The following USP24 variants were observed in gnomAD, a reference collection of about 807,000 sequenced individuals.
The protein encoded by USP24 is ubiquitin specific peptidase 24.
A neutral mutation model predicts 361.6 loss-of-function variants in USP24; 97 were observed. The ratio of observed to expected loss-of-function variants is 0.27; its 90% confidence interval spans 0.23 to 0.32. The LOEUF (loss-of-function observed/expected upper bound fraction) is 0.32. Ranked by LOEUF, USP24 falls within the 10% of genes least tolerant of loss-of-function variation. USP24 has a pLI of 1.00. For synonymous variants in USP24, 1,098 were observed against 1,124.6 expected (o/e 0.98, Z 0.47); for missense variants, 2,353 against 3,165.6 (o/e 0.74, Z 6.16).
chr1:55,175,128 T>G (rs1013146456), intron 3 of USP24, among the ~76,000 whole-genome samples: 3 of 151,710 alleles, frequency 2.0e-5, no homozygotes. Flanking sequence ...TATATATATA[T>G]TTTTTAAGGC....
intron 8 of USP24, among the ~76,000 whole-genome samples, chr1:55,160,507 C>T (rs1004622536): frequency 6.6e-6 from 1 of 152,100 alleles, no homozygotes; most frequent in East Asian, 1.9e-4. Flanking sequence ...TTGAGGCATA[C>T]AAGTTAAATA....
rs762524221 is a variant in USP24, at chr1:55,125,425, G to A, written c.3855C>T (p.Ser1285=). ...NVSRQTSRQM[S]LCGTPEKSSY... is the part of the protein sequence containing the mutation. ...ATGACTTTTCTGGGGTACCACATAA[G>A]GACATCTGTCTGCTTGTCTGCCGGC... Residue 1285 remains serine, a synonymous_variant, in exon 34 of 68, where the codon TCC becomes TCT. Coordinates refer to ENST00000294383, the MANE Select transcript of USP24 (RefSeq NM_015306.3). The A allele has an allele frequency of 9.3e-6, 15 of 1,613,970 alleles. No homozygotes were observed. Among genetic ancestry groups the A allele is most frequent in the Middle Eastern group, 1.6e-4 (1 of 6,062 alleles).
intron 1 of USP24, among the ~76,000 whole-genome samples, chr1:55,190,094 G>A (rs1231046581): frequency 6.6e-6 from 1 of 150,482 alleles, no homozygotes; most frequent in Non-Finnish European, 1.5e-5. Context: ...GGACCCAGGA[G>A]GCGGAGGTTG....
At chr1:55,148,381 AAAC>A (rs1295001990) in intron 17 of USP24, 79 bp downstream of exon 17, 23 of 1,034,546 alleles carry the variant, frequency 2.2e-5, no homozygotes, top group Non-Finnish European at 2.9e-6. Flanking sequence ...TAGTGACTAT[AAAC>A]TCAGCAATTT....
intron 52 of USP24, chr1:55,093,722 C>G: frequency 2.0e-6 from 1 of 494,940 alleles, no homozygotes; most frequent in Non-Finnish European, 3.5e-6. Flanking sequence ...GCCTGCCAAT[C>G]ATGAGTGTGT....
chr1:55,151,852 T>C, intron 16 of USP24: 4 of 963,942 alleles, frequency 4.1e-6, no homozygotes, highest in Non-Finnish European at 4.9e-6. Flanking sequence ...GGTAATCAGT[T>C]GGGGGAATAG....
At chr1:55,141,581 T>A (rs775497458) in intron 24 of USP24, 35 bp downstream of exon 24, 1 of 1,531,522 alleles carries the variant, frequency 6.5e-7, no homozygotes, top group Non-Finnish European at 9.0e-7. Flanking sequence ...AACTGACATA[T>A]GTGTGTTGTG....
chr1:55,205,532 C>T (rs1311432421), intron 1 of USP24, among the ~76,000 whole-genome samples: 1 of 152,074 alleles, frequency 6.6e-6, no homozygotes, highest in African/African-American at 2.4e-5. Context: ...AAAAAAATAG[C>T]TCCCAATGAT....
rs1645242469 is a variant in USP24, at chr1:55,086,000, A to G, written c.6707T>C (p.Val2236Ala). ...LLECNVREVR[V>A]AVATILEKTL... is the part of the protein sequence containing the mutation. ...TTTCTCCAGAATGGTGGCCACAGCA[A>G]CTCGTACTTCTCTCACATTGCACTC... Residue 2236 changes from valine (V) to alanine (A), a missense_variant, in exon 56 of 68, where the codon GTT (valine) becomes GCT (alanine). Val to Ala is a moderately conservative substitution (Grantham distance 64). Around this residue, in one of 8 missense-constraint regions of USP24, gnomAD observed 598 missense variants for 761.9 expected, o/e 0.78. Coordinates refer to ENST00000294383, the MANE Select transcript of USP24 (RefSeq NM_015306.3). 6.2e-7 allele frequency: 1 copy of G among 1,613,962 alleles called. No homozygotes were observed. The highest frequency in any genetic ancestry group is 8.5e-7 in the Non-Finnish European group (1 of 1,179,850).
chr1:55,082,497 G>A (rs1645170619), intron 58 of USP24, among the ~76,000 whole-genome samples: 1 of 152,194 alleles, frequency 6.6e-6, no homozygotes, highest in Non-Finnish European at 1.5e-5. Context: ...TTTCAAACAG[G>A]AGAGTTGGTT....
intron 1 of USP24, among the ~76,000 whole-genome samples, chr1:55,205,648 T>TA (rs2100936047): frequency 6.6e-6 from 1 of 152,350 alleles, no homozygotes; most frequent in Admixed American, 6.5e-5. Context: ...TGAATAATTT[T>TA]AGAGTCTGCA....
intron 38 of USP24, among the ~76,000 whole-genome samples, chr1:55,111,006 A>G (rs1325598299): frequency 6.6e-6 from 1 of 152,170 alleles, no homozygotes; most frequent in Non-Finnish European, 1.5e-5. Flanking sequence ...ATAAAAAATG[A>G]CAATAAAACT....
chr1:55,160,531 G>A (rs1648165566), intron 8 of USP24, among the ~76,000 whole-genome samples: 1 of 152,128 alleles, frequency 6.6e-6, no homozygotes, highest in Non-Finnish European at 1.5e-5. Context: ...GTCTTCTGAA[G>A]TCATACAAGT....
Position 55,165,896 on chromosome 1 carries a change from T to C in USP24, c.916A>G (p.Ile306Val), listed in dbSNP as rs1474937246. The C allele has an allele frequency of 3.1e-6, 5 of 1,605,384 alleles. No individual in the cohort carries two copies. The highest frequency in any genetic ancestry group is 3.4e-5 in the Admixed American group (2 of 59,504). ...GTAGTTTAACTTACCCCAAGTTCTA[T>C]ATCTTCTGAATGGAGCTTGGCTTGG... ...AIQAKLHSED[I>V]ELGAVSALIQ... Residue 306 changes from isoleucine to valine, a missense_variant, in exon 7 of 68, where the codon ATA (isoleucine) becomes GTA (valine). Coordinates refer to ENST00000294383, the MANE Select transcript of USP24 (RefSeq NM_015306.3).
intron 30 of USP24, 71 bp downstream of exon 30, chr1:55,133,999 G>T: frequency 7.6e-7 from 1 of 1,312,224 alleles, no homozygotes; most frequent in South Asian, 1.2e-5. Context: ...ACCTTGATGT[G>T]ATTTCAGGTT....
intron 38 of USP24, among the ~76,000 whole-genome samples, chr1:55,118,925 G>C (rs183748048): frequency 2.0e-5 from 3 of 152,186 alleles, no homozygotes; most frequent in African/African-American, 7.2e-5. Flanking sequence ...AACAACAAGC[G>C]TTGGCTAAGA....
chr1:55,151,893 G>A (rs1435571064), intron 16 of USP24: 1 of 985,672 alleles, frequency 1.0e-6, no homozygotes, highest in East Asian at 1.1e-4. Context: ...GGAGTAAGAA[G>A]TGGGTGATCT....
Position 55,215,132 on chromosome 1 carries a change from GC to G in USP24, c.-20del, listed in dbSNP as rs1449705167. The G allele has an allele frequency of 1.1e-5, 13 of 1,237,912 alleles. No homozygotes were observed. The African/African-American group carries it at 1.9e-4, about 18-fold the overall frequency. The allele number at this position is 1,237,912 out of a possible 1,614,324, so 76.7% of individuals were successfully genotyped here. Reference sequence around the variant, plus strand: ...ATTCCATGGCTTGGGCCTCCTGGCCGCCCCGGCCAGCGCACGGCGAAGCTAC... The same window carrying G: ...ATTCCATGGCTTGGGCCTCCTGGCCGCCCGGCCAGCGCACGGCGAAGCTAC... On this transcript the variant is annotated 5_prime_UTR_variant, in exon 1 of 68. Coordinates refer to ENST00000294383, the MANE Select transcript of USP24 (RefSeq NM_015306.3).
intron 28 of USP24, among the ~76,000 whole-genome samples, chr1:55,137,113 C>T (rs977963211): frequency 6.6e-6 from 1 of 152,130 alleles, no homozygotes; most frequent in Non-Finnish European, 1.5e-5. Flanking sequence ...GAAATTCACA[C>T]CAAGTCCCGA....
Sources: gnomAD v4.1 joint callset for allele counts (sites outside exome capture counted in the v4.1 genomes callset) on GRCh38, gnomAD v4.1.1 for gene constraint, gnomAD v4.1.1 regional missense constraint, MANE v1.5 for transcripts, NCBI Gene and HGNC (gene_info 2026-07-23, HGNC 2026-07-21) for gene names.